Variants in PDE3A observed in about 807,000 individuals in gnomAD.
The protein encoded by PDE3A is phosphodiesterase 3A.
A neutral mutation model predicts 98.3 loss-of-function variants in PDE3A; 43 were observed. The observed-to-expected ratio is 0.44, with a 90% confidence interval of 0.34 to 0.56. The LOEUF is 0.56. PDE3A is among the 20% of genes least tolerant of loss of function. The pLI is 0.01. For synonymous variants in PDE3A, 663 were observed against 567.9 expected (o/e 1.17, Z -2.38); for missense variants, 1,427 against 1,440.7 (o/e 0.99, Z 0.15).
intron 2 of PDE3A, among the ~76,000 whole-genome samples, chr12:20,576,913 G>A (rs929402166): frequency 1.4e-5 from 2 of 143,690 alleles, no homozygotes; most frequent in African/African-American, 5.1e-5. Context: ...AAAAGGATAA[G>A]TTGGAAACAT....
At chr12:20,510,705 T>C (rs969212118) in intron 1 of PDE3A, among the ~76,000 whole-genome samples, 5 of 152,012 alleles carry the variant, frequency 3.3e-5, no homozygotes, top group South Asian at 2.1e-4. Context: ...ATTGTAGAAA[T>C]AGAAGATACA....
intron 15 of PDE3A, among the ~76,000 whole-genome samples, chr12:20,667,194 C>A (rs1945336667): frequency 6.6e-6 from 1 of 152,024 alleles, no homozygotes; most frequent in Admixed American, 6.6e-5. Context: ...GTTGTATGAA[C>A]AATTTGCATA....
intron 1 of PDE3A, among the ~76,000 whole-genome samples, chr12:20,550,695 T>C (rs1469819538): frequency 6.6e-6 from 1 of 152,100 alleles, no homozygotes; most frequent in African/African-American, 2.4e-5. Flanking sequence ...TCATGATAAT[T>C]CCAAGGCTTA....
intron 3 of PDE3A, among the ~76,000 whole-genome samples, chr12:20,615,934 G>A (rs1286758586): frequency 2.0e-5 from 3 of 152,046 alleles, no homozygotes; most frequent in South Asian, 2.1e-4. Flanking sequence ...ATGTTGGCCA[G>A]GTTGGTCTCA....
chr12:20,383,064 T>C (rs146073271), intron 1 of PDE3A, among the ~76,000 whole-genome samples: 5 of 152,016 alleles, frequency 3.3e-5, no homozygotes, highest in African/African-American at 4.8e-5. Context: ...GATAGGGACT[T>C]CAGATGCTTC....
chr12:20,532,356 G>GCAAT (rs1941625164), intron 1 of PDE3A, among the ~76,000 whole-genome samples: 1 of 14,638 alleles, frequency 6.8e-5, no homozygotes, highest in Non-Finnish European at 2.5e-4. Flanking sequence ...TTTAAATCAT[G>GCAAT]TAATTTATGC....
At position 20,507,583 on chromosome 12, in the gene PDE3A, C is replaced by T. The variant is rs117487814; in HGVS notation, c.961-49077C>T. Among the ~76,000 whole-genome samples, 1,504 of 152,084 alleles carry T rather than the reference C, an allele frequency of 9.9e-3. 11 individuals are homozygous for T. Among genetic ancestry groups the T allele is most frequent in the Non-Finnish European group, 0.012 (824 of 67,944 alleles). On this transcript the variant is annotated intron_variant, in intron 1 of 15. Coordinates refer to ENST00000359062, the MANE Select transcript of PDE3A (RefSeq NM_000921.5). ...CTTCTTGACTTAGATACCTAACAGACGCCTCATACTCCAAATGTGCCAAAT... is the reference window on the plus strand; with the variant it reads ...CTTCTTGACTTAGATACCTAACAGATGCCTCATACTCCAAATGTGCCAAAT...
At chr12:20,469,401 G>C (rs533631478) in intron 1 of PDE3A, among the ~76,000 whole-genome samples, 1 of 152,044 alleles carries the variant, frequency 6.6e-6, no homozygotes, top group African/African-American at 2.4e-5. Flanking sequence ...GCTCGCAGTC[G>C]TAGTCCATCT....
chr12:20,388,522 C>T (rs916634410), intron 1 of PDE3A, among the ~76,000 whole-genome samples: 1 of 151,952 alleles, frequency 6.6e-6, no homozygotes, highest in Non-Finnish European at 1.5e-5. Context: ...TTGAGAAGAA[C>T]ATGAAAACAA....
At chr12:20,628,508 G>C (rs896515130) in intron 5 of PDE3A, among the ~76,000 whole-genome samples, 2 of 152,148 alleles carry the variant, frequency 1.3e-5, no homozygotes, top group African/African-American at 4.8e-5. Context: ...ATTTTACTAA[G>C]AGTAGCTGGG....
intron 1 of PDE3A, among the ~76,000 whole-genome samples, chr12:20,460,614 T>A (rs771853908): frequency 1.6e-4 from 25 of 152,234 alleles, no homozygotes; most frequent in African/African-American, 5.8e-4. Context: ...CATAACTGAT[T>A]AGTTAGAACA....
chr12:20,443,209 T>G (rs148018570), intron 1 of PDE3A, among the ~76,000 whole-genome samples: 34 of 152,272 alleles, frequency 2.2e-4, no homozygotes, highest in Non-Finnish European at 4.7e-4. Context: ...CAAGAAATTA[T>G]ATAGAAATTG....
rs145287710 is a variant in PDE3A, at chr12:20,527,167, C to T, written c.961-29493C>T. 7.9e-5 allele frequency among the ~76,000 whole-genome samples: 12 copies of T among 152,066 alleles called. No homozygotes were observed. The East Asian group carries it at 2.3e-3, about 29-fold the overall frequency. On this transcript the variant is annotated intron_variant, in intron 1 of 15. Coordinates refer to ENST00000359062, the MANE Select transcript of PDE3A (RefSeq NM_000921.5). ...CTCCTGAGCTCAGGTGATCTGCCTG[C>T]CTCGGATTACAGGGGTGAGCCACTG... is the stretch of plus-strand genomic sequence containing the variant.
chr12:20,483,738 AC>A (rs1157688754), intron 1 of PDE3A, among the ~76,000 whole-genome samples: 1 of 152,126 alleles, frequency 6.6e-6, no homozygotes, highest in Non-Finnish European at 1.5e-5. Flanking sequence ...TCTTTTTTGA[AC>A]TCAAAGAAAA....
At chr12:20,563,468 A>G (rs1942579950) in intron 2 of PDE3A, among the ~76,000 whole-genome samples, 1 of 152,112 alleles carries the variant, frequency 6.6e-6, no homozygotes, top group Non-Finnish European at 1.5e-5. Context: ...CCGACATGTT[A>G]CCAGGGAATA....
intron 15 of PDE3A, among the ~76,000 whole-genome samples, chr12:20,678,843 T>C (rs7137534): frequency 0.7 from 106,654 of 152,136 alleles, 37,589 homozygotes; most frequent in East Asian, 0.84. Context: ...TTTTGTAGAC[T>C]GGTTGTGAGG....
chr12:20,589,079 C>G lies in PDE3A; in HGVS notation c.1012-24364C>G, dbSNP rs528568481. Among the ~76,000 whole-genome samples the G allele has an allele frequency of 6.6e-5, 10 of 151,982 alleles. No individual in the cohort carries two copies. The East Asian group carries it at 2.0e-3, about 30-fold the overall frequency. On this transcript the variant is annotated intron_variant, in intron 2 of 15. Transcript: ENST00000359062. ...CTGGGAGTACAGGCGCCTGCCACCA[C>G]GCCCGGATAATTTTTAAATATTTTT... is the stretch of plus-strand genomic sequence containing the variant.
At position 20,678,206 on chromosome 12, in the gene PDE3A, A is replaced by C. The variant is rs559692732; in HGVS notation, c.3185-1824A>C. ...GGAATGTGGATGGCTGGATTCATTC[A>C]CTTAATCTTTCCTCATATTTTAGGG... On this transcript the variant is annotated intron_variant, in intron 15 of 15. Transcript: ENST00000359062. 7.2e-5 allele frequency among the ~76,000 whole-genome samples: 11 copies of C among 152,286 alleles called. No homozygotes were observed. In the South Asian group the frequency reaches 2.3e-3, roughly 32 times the overall value.
rs931365185 is a variant in PDE3A at position 20,643,922 on chromosome 12, T to C, written c.2252-2568T>C. ...GATTAGAGCTCAAAAGGATTAGAGCTCAAAAGCTGCAAGTTCACCTGGAAT... is the reference window on the plus strand; with the variant it reads ...GATTAGAGCTCAAAAGGATTAGAGCCCAAAAGCTGCAAGTTCACCTGGAAT... On this transcript the variant is annotated intron_variant, in intron 10 of 15. Transcript: ENST00000359062. Among the ~76,000 whole-genome samples, 4 of 152,010 alleles carry C rather than the reference T, an allele frequency of 2.6e-5. No individual in the cohort carries two copies. The South Asian group carries it at 6.2e-4, about 24-fold the overall frequency.
Sources: allele counts gnomAD v4.1 joint callset (sites outside exome capture counted in the v4.1 genomes callset), GRCh38; gene constraint gnomAD v4.1.1; transcripts MANE v1.5; gene names NCBI Gene and HGNC (gene_info 2026-07-23, HGNC 2026-07-21).